The following NUDCD3 variants were observed in gnomAD, a reference collection of about 807,000 sequenced individuals.
The protein encoded by NUDCD3 is NudC domain containing 3.
A neutral mutation model predicts 39.7 loss-of-function variants in NUDCD3; 13 were observed. The ratio of observed to expected loss-of-function variants is 0.33; its 90% confidence interval spans 0.21 to 0.52. The LOEUF (loss-of-function observed/expected upper bound fraction) is 0.52, where lower values mean the gene tolerates loss of function less well. Among genes scored for constraint, NUDCD3 ranks in the 20% least tolerant of loss-of-function variants. The probability of loss-of-function intolerance (pLI) is 0.96; values close to 1 mark genes in which losing one functional copy is unlikely to be tolerated. For synonymous variants in NUDCD3, 175 were observed against 172.4 expected (o/e 1.02, Z -0.12); for missense variants, 453 against 458.1 (o/e 0.99, Z 0.10).
intron 2 of NUDCD3, among the ~76,000 whole-genome samples, chr7:44,473,356 G>A (rs1800295454): frequency 6.6e-6 from 1 of 152,244 alleles, no homozygotes; most frequent in South Asian, 2.1e-4. Flanking sequence ...AGGTTCCACT[G>A]CTCAACAACA....
At chr7:44,490,006 C>T (rs1221395990) in intron 1 of NUDCD3, 2 of 168,210 alleles carry the variant, frequency 1.2e-5, no homozygotes, top group Non-Finnish European at 2.6e-5. Context: ...CATTGATCAA[C>T]ACAATGCCTC....
chr7:44,437,394 T>C (rs1292741801), intron 2 of NUDCD3, among the ~76,000 whole-genome samples: 1 of 152,216 alleles, frequency 6.6e-6, no homozygotes, highest in Non-Finnish European at 1.5e-5. Context: ...TGTTTCTTTG[T>C]AAATTCTCTT....
chr7:44,423,863 T>C (rs1799187048), intron 3 of NUDCD3, among the ~76,000 whole-genome samples: 1 of 152,190 alleles, frequency 6.6e-6, no homozygotes, highest in Non-Finnish European at 1.5e-5. Flanking sequence ...AGAACAAGGC[T>C]GAAGGCATCA....
intron 2 of NUDCD3, among the ~76,000 whole-genome samples, chr7:44,436,142 G>T (rs1021335116): frequency 6.6e-5 from 10 of 152,188 alleles, no homozygotes; most frequent in Non-Finnish European, 1.3e-4. Flanking sequence ...AGGAAAATGT[G>T]AATATAGACT....
chr7:44,458,420 G>A (rs1484169098), intron 2 of NUDCD3, among the ~76,000 whole-genome samples: 1 of 152,212 alleles, frequency 6.6e-6, no homozygotes, highest in African/African-American at 2.4e-5. Flanking sequence ...AGCACTTTGG[G>A]AGGCTGAGGC....
chr7:44,430,981 T>C (rs1799353338), intron 2 of NUDCD3, among the ~76,000 whole-genome samples: 2 of 152,238 alleles, frequency 1.3e-5, no homozygotes, highest in African/African-American at 4.8e-5. Context: ...TCCTCTTGCA[T>C]GGAACCTGCA....
intron 4 of NUDCD3, among the ~76,000 whole-genome samples, chr7:44,401,190 C>T (rs949514860): frequency 5.9e-5 from 9 of 152,178 alleles, no homozygotes; most frequent in Non-Finnish European, 1.0e-4. Context: ...TGCATCCACA[C>T]GCTCAAAGCA....
intron 4 of NUDCD3, among the ~76,000 whole-genome samples, chr7:44,394,138 G>T (rs1365429354): frequency 6.6e-6 from 1 of 152,208 alleles, no homozygotes; most frequent in African/African-American, 2.4e-5. Flanking sequence ...CCAGAACTGG[G>T]AAGAGCAAGA....
intron 2 of NUDCD3, among the ~76,000 whole-genome samples, chr7:44,434,262 C>A (rs1306955276): frequency 2.0e-5 from 3 of 152,094 alleles, no homozygotes; most frequent in Non-Finnish European, 2.9e-5. Context: ...CAGGTCTGCC[C>A]CAACGCCAGC....
chr7:44,453,215 T>G (rs533265782), intron 2 of NUDCD3, among the ~76,000 whole-genome samples: 6 of 152,220 alleles, frequency 3.9e-5, no homozygotes, highest in Non-Finnish European at 7.4e-5. Context: ...TAGCGGGGCA[T>G]GGTGGCGTGC....
rs564100914 is a variant in NUDCD3 at position 44,443,638 on chromosome 7, T to C, written c.510-15935A>G. Among the ~76,000 whole-genome samples the C allele has an allele frequency of 4.1e-4, 63 of 152,336 alleles. No homozygotes were observed. In the Middle Eastern group the frequency reaches 0.01, roughly 25 times the overall value. The stretch of plus-strand genomic sequence containing the variant: ...GTTGGCCAGGCTGGTCTCGAACTCC[T>C]GGCCTCAAGTGATCCACCTGCCGCA... On this transcript the variant is annotated intron_variant, in intron 2 of 5. Transcript: ENST00000355451.
At chr7:44,421,046 CA>C (rs2116893378) in intron 3 of NUDCD3, among the ~76,000 whole-genome samples, 1 of 152,244 alleles carries the variant, frequency 6.6e-6, no homozygotes, top group African/African-American at 2.4e-5. Context: ...TTAAAAGACA[CA>C]GATGGGCCAG....
chr7:44,423,122 G>T (rs1311621420), intron 3 of NUDCD3, among the ~76,000 whole-genome samples: 1 of 152,046 alleles, frequency 6.6e-6, no homozygotes, highest in Non-Finnish European at 1.5e-5. Context: ...CAACAAACTA[G>T]GTACTAATGG....
chr7:44,408,486 A>G (rs1381644543), intron 3 of NUDCD3, among the ~76,000 whole-genome samples: 1 of 152,204 alleles, frequency 6.6e-6, no homozygotes, highest in Non-Finnish European at 1.5e-5. Flanking sequence ...ACTATTTTTG[A>G]TAACAAGATA....
intron 3 of NUDCD3, chr7:44,426,307 G>A: frequency 4.2e-6 from 1 of 239,258 alleles, no homozygotes; most frequent in Non-Finnish European, 6.8e-6. Flanking sequence ...GTTGGTATCA[G>A]TGCACAAACT....
At chr7:44,488,415 G>A (rs2116989823) in intron 1 of NUDCD3, among the ~76,000 whole-genome samples, 1 of 151,384 alleles carries the variant, frequency 6.6e-6, no homozygotes, top group South Asian at 2.1e-4. Flanking sequence ...CAGAAAACAT[G>A]ACACCTCTCT....
rs555134645 is a variant in NUDCD3 at position 44,416,030 on chromosome 7, G to C, written c.643-11447C>G. 6.6e-5 allele frequency among the ~76,000 whole-genome samples: 10 copies of C among 151,560 alleles called. No homozygotes were observed. In the South Asian group the frequency reaches 2.1e-3, roughly 32 times the overall value. ...TTTTCCAAAGTTTTAAGTGAGGTACGACTAAAAAAAAAATCATTCAGCAAT... is the reference window on the plus strand; with the variant it reads ...TTTTCCAAAGTTTTAAGTGAGGTACCACTAAAAAAAAAATCATTCAGCAAT... On this transcript the variant is annotated intron_variant, in intron 3 of 5. Coordinates refer to ENST00000355451, the MANE Select transcript of NUDCD3 (RefSeq NM_015332.4).
At chr7:44,470,725 C>T (rs1007620649) in intron 2 of NUDCD3, among the ~76,000 whole-genome samples, 14 of 152,200 alleles carry the variant, frequency 9.2e-5, no homozygotes, top group African/African-American at 2.4e-4. Flanking sequence ...GACAGCCTGA[C>T]GGCTCAGCAC....
In NUDCD3 at chr7:44,440,496, G is replaced by GAAAAAAATAAAAAAAA. The variant is rs1799558434; in HGVS notation, c.510-12794_510-12793insTTTTTTTTATTTTTTT. Among the ~76,000 whole-genome samples the GAAAAAAATAAAAAAAA allele has an allele frequency of 4.1e-5, 2 of 48,386 alleles. 1 individual carries two copies. The highest frequency in any genetic ancestry group is 1.5e-4 in the African/African-American group (2 of 13,790). 31.7% of individuals were successfully genotyped at this position (48,386 alleles called of 152,430 possible). A position where few individuals can be genotyped will look rare whatever the true frequency, so the allele number is the denominator to read the frequency against. Reference sequence around the variant, plus strand: ...AACTAGTGAGAAAACCAGAAAAATTGAAAAAAAAAAAAAAAAAAAAGCCTG... The same window carrying GAAAAAAATAAAAAAAA: ...AACTAGTGAGAAAACCAGAAAAATTGAAAAAAATAAAAAAAAAAAAAAAAAAAAAAAAAAAAGCCTG... On this transcript the variant is annotated intron_variant, in intron 2 of 5. Coordinates refer to ENST00000355451, the MANE Select transcript of NUDCD3 (RefSeq NM_015332.4).
Sources: gnomAD v4.1 joint callset for allele counts (sites outside exome capture counted in the v4.1 genomes callset) on GRCh38, gnomAD v4.1.1 for gene constraint, MANE v1.5 for transcripts, NCBI Gene and HGNC (gene_info 2026-07-23, HGNC 2026-07-21) for gene names.